Variants in ULBP1 observed in about 807,000 individuals in gnomAD.
ULBP1 encodes UL16-binding protein 1.
ULBP1 carries 28 observed loss-of-function variants against 25.3 expected under a neutral mutation model. The observed-to-expected ratio is 1.10, with a 90% confidence interval of 0.82 to 1.51. ULBP1 has a LOEUF of 1.51. ULBP1 is among the 40% of genes most tolerant of loss of function. The probability of loss-of-function intolerance (pLI) is 0.00; values close to 1 mark genes in which losing one functional copy is unlikely to be tolerated. For missense variants in ULBP1, 348 were observed against 290.9 expected (o/e 1.20, Z -1.43); for synonymous variants, 129 against 103.0 (o/e 1.25, Z -1.53).
chr6:149,969,753 T>C (rs549624003), intron 3 of ULBP1, among the ~76,000 whole-genome samples: 1 of 152,294 alleles, frequency 6.6e-6, no homozygotes, highest in East Asian at 1.9e-4. Context: ...TCCCTGGCCC[T>C]GGGACATCAC....
Position 149,971,995 on chromosome 6 carries a change from T to A in ULBP1, c.*649T>A, listed in dbSNP as rs1779326681. On this transcript the variant is annotated 3_prime_UTR_variant, in exon 5 of 5. Transcript: ENST00000229708. ...CCACCAGGACTGGCAAACTGTTTTA[T>A]TTTTAGGTAGAGGTAGGGTCTTCCT... 6.6e-6 allele frequency: 1 copy of A among 152,158 alleles called. No individual in the cohort carries two copies. The highest frequency in any genetic ancestry group is 1.5e-5 in the Non-Finnish European group (1 of 68,026). 9.4% of individuals were successfully genotyped at this position (152,158 alleles called of 1,614,324 possible). A position where few individuals can be genotyped will look rare whatever the true frequency, so the allele number is the denominator to read the frequency against.
intron 1 of ULBP1, 23 bp from the exon 2 acceptor site, chr6:149,968,584 C>T (rs770578070): frequency 2.0e-5 from 32 of 1,593,778 alleles, no homozygotes; most frequent in Admixed American, 8.5e-5. Context: ...ACACCAACCC[C>T]CTCCTGTGTT....
Position 149,968,761 on chromosome 6 carries a change from A to AGTCAAT in ULBP1, c.245_250dup (p.Asn82_Val83dup), listed in dbSNP as rs1240603112. ...AAGCCTTTGCTTCTCTGGGGAAGAAAGTCAATGTCACAAAAACCTGGGAAG... is the reference window on the plus strand; with the variant it reads ...AAGCCTTTGCTTCTCTGGGGAAGAAAGTCAATGTCAATGTCACAAAAACCTGGGAAG... On this transcript the variant is annotated inframe_insertion, in exon 2 of 5. Coordinates refer to ENST00000229708, the MANE Select transcript of ULBP1 (RefSeq NM_025218.4). 5 of 1,614,134 alleles carry AGTCAAT rather than the reference A, an allele frequency of 3.1e-6. No individual in the cohort carries two copies. The highest frequency in any genetic ancestry group is 3.3e-5 in the Admixed American group (2 of 60,006).
chr6:149,965,699 C>T (rs1381234717), intron 1 of ULBP1, among the ~76,000 whole-genome samples: 1 of 152,178 alleles, frequency 6.6e-6, no homozygotes, highest in Non-Finnish European at 1.5e-5. Context: ...TGCCCTGGAA[C>T]TTCGCCCCTA....
Position 149,970,135 on chromosome 6 carries a change from T to G in ULBP1, c.*10T>G. 6.3e-7 allele frequency: 1 copy of G among 1,595,786 alleles called. No individual in the cohort carries two copies. The highest frequency in any genetic ancestry group is 8.5e-7 in the Non-Finnish European group (1 of 1,170,782). On this transcript the variant is annotated 3_prime_UTR_variant, in exon 4 of 5. Coordinates refer to ENST00000229708, the MANE Select transcript of ULBP1 (RefSeq NM_025218.4). ...TCTAGCTGGCAGATGAGGAGAGTTG[T>G]TTAGAGTGACAGGTACTGTGGGCAA...
rs575776303 is a variant in ULBP1, at chr6:149,969,078, G to A, written c.350-7G>A. The A allele has an allele frequency of 8.7e-6, 14 of 1,613,490 alleles. No individual in the cohort carries two copies. The African/African-American group carries it at 9.3e-5, about 11-fold the overall frequency. On this transcript the variant is annotated splice_region_variant and splice_polypyrimidine_tract_variant and intron_variant, in intron 2 of 4. Transcript: ENST00000229708. ...AGATCAGAGCTGATCTCTTTGCAATGGGGCAGAGCCCCTCACCCTGCAGGC... is the reference window on the plus strand; with the variant it reads ...AGATCAGAGCTGATCTCTTTGCAATAGGGCAGAGCCCCTCACCCTGCAGGC...
chr6:149,971,218 G>C (rs1779311232), intron 4 of ULBP1, among the ~76,000 whole-genome samples, 151 bp from the exon 5 acceptor site: 1 of 152,276 alleles, frequency 6.6e-6, no homozygotes, highest in East Asian at 1.9e-4. Context: ...GTTGGAACAG[G>C]GTACAGAGCC....
rs1191086367 is a variant in ULBP1 at position 149,963,954 on chromosome 6, C to A, written c.-96C>A. On this transcript the variant is annotated 5_prime_UTR_variant, in exon 1 of 5. Coordinates refer to ENST00000229708, the MANE Select transcript of ULBP1 (RefSeq NM_025218.4). ...GGATCCCGCCCAGTGTATCCCTGCG[C>A]GCGGCGGGCCGGGCTGGGCAGCTTT... 24 of 1,261,862 alleles carry A rather than the reference C, an allele frequency of 1.9e-5. No individual in the cohort carries two copies. Among genetic ancestry groups the A allele is most frequent in the Non-Finnish European group, 2.5e-5 (22 of 892,314 alleles). 78.2% of individuals were successfully genotyped at this position (1,261,862 alleles called of 1,614,324 possible). A position where few individuals can be genotyped will look rare whatever the true frequency, so the allele number is the denominator to read the frequency against.
chr6:149,965,131 G>A (rs1779180294), intron 1 of ULBP1, among the ~76,000 whole-genome samples: 1 of 145,396 alleles, frequency 6.9e-6, no homozygotes, highest in African/African-American at 2.7e-5. Flanking sequence ...CCCGAACATC[G>A]CGGTCTCCCC....
intron 1 of ULBP1, among the ~76,000 whole-genome samples, chr6:149,964,873 C>T (rs1779172556): frequency 6.8e-6 from 1 of 147,918 alleles, no homozygotes; most frequent in South Asian, 2.2e-4. Context: ...CGCGGTCCCC[C>T]CGAACATCGC....
At position 149,969,262 on chromosome 6, in the gene ULBP1, G is replaced by T. The variant is rs79289905; in HGVS notation, c.527G>T (p.Arg176Met). ...KKMTEKWEKN[R>M]DVTMFFQKIS... is the part of the protein sequence containing the mutation. ...ATGACAGAGAAGTGGGAGAAGAACA[G>T]GGATGTGACCATGTTCTTCCAGAAG... The change falls in exon 3 of 5, where the codon AGG (arginine) becomes ATG (methionine). Residue 176 changes from arginine (R) to methionine (M), a missense_variant. Arg to Met is a moderately conservative substitution (Grantham distance 91). Coordinates refer to ENST00000229708, the MANE Select transcript of ULBP1 (RefSeq NM_025218.4). The T allele has an allele frequency of 6.3e-5, 102 of 1,614,118 alleles. 1 individual carries two copies. The South Asian group carries it at 1.1e-3, about 17-fold the overall frequency.
chr6:149,965,956 A>G (rs1582824189), intron 1 of ULBP1, among the ~76,000 whole-genome samples: 1 of 151,844 alleles, frequency 6.6e-6, no homozygotes, highest in Non-Finnish European at 1.5e-5. Context: ...CAGGCTTTCC[A>G]CAAAACTTAA....
intron 1 of ULBP1, among the ~76,000 whole-genome samples, chr6:149,967,864 T>A (rs1779231279): frequency 6.6e-6 from 1 of 152,196 alleles, no homozygotes; most frequent in African/African-American, 2.4e-5. Flanking sequence ...CTTGATAGTC[T>A]GCTGCCTTCT....
intron 4 of ULBP1, among the ~76,000 whole-genome samples, chr6:149,970,365 C>A (rs1224846457): frequency 6.6e-6 from 1 of 152,166 alleles, no homozygotes; most frequent in African/African-American, 2.4e-5. Context: ...AGGGAGGGAC[C>A]CATACCAAGG....
chr6:149,970,044 C>A lies in ULBP1; in HGVS notation c.654C>A (p.Thr218=), dbSNP rs1219827018. 3 of 1,613,446 alleles carry A rather than the reference C, an allele frequency of 1.9e-6. No homozygotes were observed. Among genetic ancestry groups the A allele is most frequent in the Admixed American group, 1.7e-5 (1 of 59,926 alleles). Residue 218 remains threonine (T), a synonymous_variant, in exon 4 of 5, where the codon ACC becomes ACA. Coordinates refer to ENST00000229708, the MANE Select transcript of ULBP1 (RefSeq NM_025218.4). ...TKPPSLAPGT[T]QPKAMATTLS... ...CACCCTCTCTGGCCCCAGGCACAACCCAACCCAAGGCCATGGCCACCACCC... is the reference window on the plus strand; with the variant it reads ...CACCCTCTCTGGCCCCAGGCACAACACAACCCAAGGCCATGGCCACCACCC...
chr6:149,968,097 T>C (rs971474405), intron 1 of ULBP1, among the ~76,000 whole-genome samples: 5 of 152,210 alleles, frequency 3.3e-5, no homozygotes, highest in African/African-American at 1.2e-4. Context: ...TGCATGCTCA[T>C]AGCAGATGGG....
rs997937137 is a variant in ULBP1, at chr6:149,971,920, A to T, written c.*574A>T. 3 of 152,162 alleles carry T rather than the reference A, an allele frequency of 2.0e-5. No individual in the cohort carries two copies. Among genetic ancestry groups the T allele is most frequent in the African/African-American group, 7.2e-5 (3 of 41,442 alleles). 9.4% of individuals were successfully genotyped at this position (152,162 alleles called of 1,614,324 possible). On this transcript the variant is annotated 3_prime_UTR_variant, in exon 5 of 5. Coordinates refer to ENST00000229708, the MANE Select transcript of ULBP1 (RefSeq NM_025218.4). ...CTGTAATCTCCAGCTCCTGGGCTCA[A>T]GTGATCCTCTAGACTCAGCCTCTAG...
At chr6:149,968,052 G>A (rs1396435842) in intron 1 of ULBP1, among the ~76,000 whole-genome samples, 1 of 152,150 alleles carries the variant, frequency 6.6e-6, no homozygotes, top group Non-Finnish European at 1.5e-5. Flanking sequence ...TCAACTTCTT[G>A]CCCTGTGAAC....
chr6:149,970,189 G>A (rs2114714825), intron 4 of ULBP1, 42 bp downstream of exon 4: 1 of 1,540,650 alleles, frequency 6.5e-7, no homozygotes, highest in East Asian at 2.4e-5. Flanking sequence ...AGGCAGATGG[G>A]TGAGATGGGA....
Sources: gnomAD v4.1 joint callset for allele counts (sites outside exome capture counted in the v4.1 genomes callset) on GRCh38, gnomAD v4.1.1 for gene constraint, MANE v1.5 for transcripts, NCBI Gene and HGNC (gene_info 2026-07-23, HGNC 2026-07-21) for gene names.